SYNE1: variants seen among roughly 807,000 people sequenced by gnomAD.
SYNE1 encodes nesprin-1.
Under a neutral mutation model 1,111.0 loss-of-function variants are expected in SYNE1, and 616 were observed. The ratio of observed to expected loss-of-function variants is 0.55; its 90% CI spans 0.52 to 0.59. SYNE1 has a LOEUF of 0.59. Among genes scored for constraint, SYNE1 ranks in the 20% least tolerant of loss-of-function variants. SYNE1 has a pLI of 0.00. For missense variants in SYNE1, 10,006 were observed against 10,417.0 expected (o/e 0.96, Z 1.72); for synonymous variants, 3,855 against 3,825.8 (o/e 1.01, Z -0.28).
intron 71 of SYNE1, 123 bp from the exon 72 acceptor site, chr6:152,350,458 A>T: frequency 1.3e-6 from 2 of 1,488,980 alleles, no homozygotes; most frequent in Non-Finnish European, 1.9e-6. Flanking sequence ...AACTACCAGG[A>T]ATGGAAAACA....
Position 152,232,260 on chromosome 6 carries a change from C to G in SYNE1, c.20718G>C (p.Gln6906His). The G allele has an allele frequency of 1.9e-6, 3 of 1,613,958 alleles. No individual in the cohort carries two copies. The highest frequency in any genetic ancestry group is 2.5e-6 in the Non-Finnish European group (3 of 1,179,908). The stretch of plus-strand genomic sequence containing the variant: ...CATGGCGGGAAGGCAGTTTATCCAT[C>G]TGGAGCTGTCCAAGTCAGGGAGAGA... Reference protein sequence around the residue: ...PAVQEKLHQLQMDKLPSRHAI... With the variant: ...PAVQEKLHQLHMDKLPSRHAI... Residue 6906 changes from glutamine to histidine, a missense_variant, in exon 113 of 146, where the codon CAG (glutamine) becomes CAC (histidine). Physicochemically the swap from Gln to His is conservative, Grantham distance 24. Transcript: ENST00000367255.
intron 106 of SYNE1, among the ~76,000 whole-genome samples, chr6:152,243,585 C>G (rs914993090): frequency 6.6e-6 from 1 of 151,984 alleles, no homozygotes; most frequent in Admixed American, 6.6e-5. Context: ...TAAGTGCTGT[C>G]GGAAAACTGT....
intron 81 of SYNE1, 51 bp from the exon 82 acceptor site, chr6:152,323,788 A>C: frequency 1.2e-6 from 2 of 1,602,624 alleles, no homozygotes; most frequent in East Asian, 2.2e-5. Flanking sequence ...AAACTGAAAA[A>C]AATAGGGTAA....
chr6:152,289,925 C>CA (rs556106614), intron 95 of SYNE1, among the ~76,000 whole-genome samples: 1 of 130,000 alleles, frequency 7.7e-6, no homozygotes, highest in Non-Finnish European at 1.6e-5. Flanking sequence ...CGCGCCCAGC[C>CA]TTTTTTTTTT....
chr6:152,284,185 C>CTG lies in SYNE1; in HGVS notation c.18013-15_18013-14dup. On this transcript the variant is annotated splice_polypyrimidine_tract_variant and intron_variant, in intron 95 of 145. Transcript: ENST00000367255. ...CATCCATCAATGCCTGGAGGAAAGACTGTGGAATCACACTCATGTATTCAT... is the reference window on the plus strand; with the variant it reads ...CATCCATCAATGCCTGGAGGAAAGACTGTGTGGAATCACACTCATGTATTCAT... The CTG allele has an allele frequency of 6.2e-7, 1 of 1,613,858 alleles. No homozygotes were observed. Among genetic ancestry groups the CTG allele is most frequent in the Non-Finnish European group, 8.5e-7 (1 of 1,179,882 alleles).
intron 6 of SYNE1, chr6:152,511,723 G>A (rs1041217735): frequency 2.2e-6 from 2 of 912,546 alleles, no homozygotes; most frequent in Non-Finnish European, 3.5e-6. Flanking sequence ...ACGTTTTAAA[G>A]AAAAACAAAG....
intron 128 of SYNE1, among the ~76,000 whole-genome samples, chr6:152,188,965 A>C (rs1587311059): frequency 2.2e-5 from 1 of 45,974 alleles, no homozygotes; most frequent in Admixed American, 2.6e-4. Context: ...CTCAAAAAAA[A>C]AAAAAAAAAA....
At chr6:152,440,414 C>T (rs984619580) in intron 32 of SYNE1, among the ~76,000 whole-genome samples, 2 of 152,070 alleles carry the variant, frequency 1.3e-5, no homozygotes, top group Non-Finnish European at 1.5e-5. Flanking sequence ...AAATTCATTT[C>T]CCATTGTTCT....
At chr6:152,187,788 T>C (rs1409570970) in intron 128 of SYNE1, among the ~76,000 whole-genome samples, 5 of 152,114 alleles carry the variant, frequency 3.3e-5, no homozygotes, top group Admixed American at 3.3e-4. Context: ...TGCAATGGTG[T>C]GATCTCAGCT....
chr6:152,277,211 G>A (rs892236134), intron 98 of SYNE1, among the ~76,000 whole-genome samples: 1 of 136,448 alleles, frequency 7.3e-6, no homozygotes, highest in Non-Finnish European at 1.6e-5. Context: ...TATCCTATCC[G>A]TTTCCTCCCC....
At chr6:152,564,509 GT>G in intron 3 of SYNE1, among the ~76,000 whole-genome samples, 1 of 152,174 alleles carries the variant, frequency 6.6e-6, no homozygotes, top group East Asian at 1.9e-4. Context: ...TAGAGACGGG[GT>G]TTTGCCATGT....
chr6:152,427,723 G>A lies in SYNE1; in HGVS notation c.5070C>T (p.Val1690=). The part of the protein sequence containing the change: ...SPEMDISADR[V]KVEGELQLIQ... Reference sequence around the variant, plus strand: ...TTAACTGAAGTTCACCTTCCACTTTGACTCTGTCTGCAGAAATGTCCATTT... The same window carrying A: ...TTAACTGAAGTTCACCTTCCACTTTAACTCTGTCTGCAGAAATGTCCATTT... The change falls in exon 38 of 146, where the codon GTC becomes GTT. Residue 1690 remains valine (V), a synonymous_variant. Transcript: ENST00000367255. 2 of 1,613,978 alleles carry A rather than the reference G, an allele frequency of 1.2e-6. No individual in the cohort carries two copies. The highest frequency in any genetic ancestry group is 1.7e-6 in the Non-Finnish European group (2 of 1,180,000).
At chr6:152,211,285 C>T (rs2077482126) in intron 124 of SYNE1, among the ~76,000 whole-genome samples, 1 of 152,076 alleles carries the variant, frequency 6.6e-6, no homozygotes, top group Non-Finnish European at 1.5e-5. Context: ...ACTCTATGCC[C>T]TTCATATAAT....
Position 152,321,313 on chromosome 6 carries a change from A to C in SYNE1, c.16161T>G (p.Gly5387=), listed in dbSNP as rs777644355. The change falls in exon 84 of 146, where the codon GGT becomes GGG. Residue 5387 remains glycine (G), a synonymous_variant. Transcript: ENST00000367255. ...MAEEQKEKYL[G]LYTILPSELS... ...GTTCAGAAGGTAATATGGTATAAAGACCTAAGTACTTCTCCTTCTGTTCTT... is the reference window on the plus strand; with the variant it reads ...GTTCAGAAGGTAATATGGTATAAAGCCCTAAGTACTTCTCCTTCTGTTCTT... 6.2e-7 allele frequency: 1 copy of C among 1,613,890 alleles called. No individual in the cohort carries two copies. The highest frequency in any genetic ancestry group is 8.5e-7 in the Non-Finnish European group (1 of 1,179,908).
intron 3 of SYNE1, among the ~76,000 whole-genome samples, chr6:152,545,397 T>C (rs1272283622): frequency 6.6e-6 from 1 of 152,050 alleles, no homozygotes; most frequent in African/African-American, 2.4e-5. Context: ...CTGGCCAACA[T>C]GGTGAAACCC....
At chr6:152,554,322 C>G (rs2099357944) in intron 3 of SYNE1, among the ~76,000 whole-genome samples, 1 of 151,948 alleles carries the variant, frequency 6.6e-6, no homozygotes, top group African/African-American at 2.4e-5. Context: ...AGATTTGCTC[C>G]TATTTCTATT....
At position 152,359,218 on chromosome 6, in the gene SYNE1, C is replaced by T. The variant is rs1226614223; in HGVS notation, c.10443+97G>A. 4 of 1,553,872 alleles carry T rather than the reference C, an allele frequency of 2.6e-6. No homozygotes were observed. The African/African-American group carries it at 5.4e-5, about 21-fold the overall frequency. ...TCATTTTGCTTTTGTTCTGTTTTCC[C>T]AAGCCTGTCATTCTTGAACATAAAT... On this transcript the variant is annotated intron_variant, in intron 65 of 145. Coordinates refer to ENST00000367255, the MANE Select transcript of SYNE1 (RefSeq NM_182961.4).
chr6:152,363,376 A>C (rs537794773), intron 63 of SYNE1, among the ~76,000 whole-genome samples: 6,705 of 149,606 alleles, frequency 0.045, 210 homozygotes, highest in Non-Finnish European at 0.07. Flanking sequence ...CGCCTGTAGT[A>C]CCAGCTACTC....
At chr6:152,320,758 C>G (rs1398448011) in intron 84 of SYNE1, among the ~76,000 whole-genome samples, 1 of 152,188 alleles carries the variant, frequency 6.6e-6, no homozygotes, top group African/African-American at 2.4e-5. Flanking sequence ...GATGGCTCTT[C>G]TCTAGCAACA....
Sources: gnomAD v4.1 joint callset for allele counts (sites outside exome capture counted in the v4.1 genomes callset) on GRCh38, gnomAD v4.1.1 for gene constraint, MANE v1.5 for transcripts, NCBI Gene and HGNC (gene_info 2026-07-23, HGNC 2026-07-21) for gene names.